Variants in NIBAN1 observed in about 807,000 individuals in gnomAD.
The protein encoded by NIBAN1 is niban apoptosis regulator 1.
A neutral mutation model predicts 75.1 loss-of-function variants in NIBAN1; 81 were observed. That is an observed-to-expected ratio of 1.08 (90% CI 0.90 to 1.30). NIBAN1 has a LOEUF of 1.30. Ranked by LOEUF, NIBAN1 falls within the 50% of genes most tolerant of loss-of-function variation. The pLI is 0.00. For synonymous variants in NIBAN1, 436 were observed against 424.8 expected (o/e 1.03, Z -0.32); for missense variants, 1,133 against 1,128.1 (o/e 1.00, Z -0.06).
At chr1:184,938,067 T>C (rs1425714646) in intron 1 of NIBAN1, among the ~76,000 whole-genome samples, 1 of 152,060 alleles carries the variant, frequency 6.6e-6, no homozygotes, top group East Asian at 1.9e-4. Flanking sequence ...GCTGGAGAGG[T>C]GGACAGAATC....
intron 1 of NIBAN1, among the ~76,000 whole-genome samples, chr1:184,967,221 G>C (rs1028511): frequency 0.9 from 126,843 of 141,016 alleles, 56,512 homozygotes; most frequent in South Asian, 0.95. Context: ...CTCTCTCTCT[G>C]TGTGTGTGTG....
chr1:184,876,419 C>T (rs960432716), intron 5 of NIBAN1, among the ~76,000 whole-genome samples: 4 of 151,902 alleles, frequency 2.6e-5, no homozygotes, highest in African/African-American at 4.8e-5. Flanking sequence ...AAACTGGGGC[C>T]GGGCATGGTG....
intron 1 of NIBAN1, among the ~76,000 whole-genome samples, chr1:184,956,399 G>A (rs559964015): frequency 1.3e-5 from 2 of 152,280 alleles, no homozygotes; most frequent in Non-Finnish European, 2.9e-5. Flanking sequence ...TGGAGGAAAA[G>A]AACACCTGTG....
chr1:184,922,395 A>C (rs993234765), intron 1 of NIBAN1, among the ~76,000 whole-genome samples: 1 of 151,802 alleles, frequency 6.6e-6, no homozygotes, highest in Admixed American at 6.6e-5. Flanking sequence ...CACCTCACCC[A>C]CTACTCTTTC....
At chr1:184,825,363 A>G (rs1472118099) in intron 6 of NIBAN1, among the ~76,000 whole-genome samples, 1 of 151,950 alleles carries the variant, frequency 6.6e-6, no homozygotes, top group South Asian at 2.1e-4. Flanking sequence ...TTGTCTGCTC[A>G]TGGCCTGTCT....
intron 5 of NIBAN1, among the ~76,000 whole-genome samples, chr1:184,857,355 G>A (rs1655706354): frequency 6.6e-6 from 1 of 152,160 alleles, no homozygotes; most frequent in African/African-American, 2.4e-5. Context: ...TAGTACAGAT[G>A]GGAAAAGCAC....
chr1:184,867,322 T>C (rs1655985459), intron 5 of NIBAN1, among the ~76,000 whole-genome samples: 5 of 152,186 alleles, frequency 3.3e-5, no homozygotes. Context: ...TATCTCCCTC[T>C]GTGCATGTTA....
In NIBAN1 at chr1:184,890,096, T is replaced by C. The variant is rs1183425324; in HGVS notation, c.433+12A>G. ...GTCATTTTGCCTTGGAAAAGAATGA[T>C]CAGCAACTCACCAAGAGGGTCTGGG... On this transcript the variant is annotated intron_variant, in intron 4 of 13. Coordinates refer to ENST00000367511, the MANE Select transcript of NIBAN1 (RefSeq NM_052966.4). 2 of 1,592,866 alleles carry C rather than the reference T, an allele frequency of 1.3e-6. No homozygotes were observed. The highest frequency in any genetic ancestry group is 2.7e-5 in the African/African-American group (2 of 74,466).
intron 1 of NIBAN1, among the ~76,000 whole-genome samples, chr1:184,959,826 A>G (rs1658583097): frequency 6.6e-6 from 1 of 152,228 alleles, no homozygotes; most frequent in South Asian, 2.1e-4. Context: ...TGATGGAAGC[A>G]TGAACTATTT....
At chr1:184,973,270 T>C (rs901891489) in intron 1 of NIBAN1, among the ~76,000 whole-genome samples, 7 of 152,310 alleles carry the variant, frequency 4.6e-5, no homozygotes, top group Middle Eastern at 3.4e-3. Flanking sequence ...CCTGATTTGA[T>C]ATCTTTTTAA....
intron 5 of NIBAN1, among the ~76,000 whole-genome samples, chr1:184,834,147 C>T (rs1179444356): frequency 6.6e-6 from 1 of 152,050 alleles, no homozygotes; most frequent in African/African-American, 2.4e-5. Flanking sequence ...CTCAGAATGA[C>T]AGTTTCCAGC....
chr1:184,878,277 A>G (rs234651), intron 5 of NIBAN1, among the ~76,000 whole-genome samples: 14,433 of 152,174 alleles, frequency 0.095, 962 homozygotes, highest in African/African-American at 0.19. Context: ...CAACTCTTAA[A>G]TTGCTTTGAG....
chr1:184,805,627 G>T (rs1019806924), intron 11 of NIBAN1, among the ~76,000 whole-genome samples: 7 of 152,164 alleles, frequency 4.6e-5, no homozygotes, highest in African/African-American at 1.7e-4. Context: ...GCTGTGCCTT[G>T]CCTACTTTTA....
chr1:184,874,148 A>C (rs75645932), intron 5 of NIBAN1, among the ~76,000 whole-genome samples: 6,203 of 152,098 alleles, frequency 0.041, 190 homozygotes, highest in Non-Finnish European at 0.061. Flanking sequence ...TAAAAATAGA[A>C]TATACGAAAT....
chr1:184,886,287 C>A (rs1224226107), intron 4 of NIBAN1, among the ~76,000 whole-genome samples: 1 of 152,038 alleles, frequency 6.6e-6, no homozygotes, highest in Non-Finnish European at 1.5e-5. Context: ...GGTAGGGAGG[C>A]GGGGGAGGGG....
At position 184,877,451 on chromosome 1, in the gene NIBAN1, C is replaced by T. The variant is rs184798342; in HGVS notation, c.601+7182G>A. Among the ~76,000 whole-genome samples the T allele has an allele frequency of 5.0e-3, 756 of 152,210 alleles. 2 individuals are homozygous for T. Among genetic ancestry groups the T allele is most frequent in the Non-Finnish European group, 7.0e-3 (475 of 68,004 alleles). On this transcript the variant is annotated intron_variant, in intron 5 of 13. Transcript: ENST00000367511. ...TTATACTCTATACATACTTTACAAA[C>T]ATTCTTCTAAATCTACTCAATATTT...
At chr1:184,936,051 C>A (rs903130353) in intron 1 of NIBAN1, among the ~76,000 whole-genome samples, 1 of 151,010 alleles carries the variant, frequency 6.6e-6, no homozygotes, top group Non-Finnish European at 1.5e-5. Context: ...GGAAACTAAG[C>A]GTCTATTGAA....
intron 1 of NIBAN1, among the ~76,000 whole-genome samples, chr1:184,932,695 G>A (rs1300439840): frequency 1.3e-5 from 2 of 152,080 alleles, no homozygotes; most frequent in Non-Finnish European, 2.9e-5. Context: ...CTTTTCTTTT[G>A]TATATTTGAC....
chr1:184,914,570 GT>G (rs1419726359), intron 1 of NIBAN1, among the ~76,000 whole-genome samples: 1 of 152,026 alleles, frequency 6.6e-6, no homozygotes, highest in Non-Finnish European at 1.5e-5. Flanking sequence ...TTTCTCTTTA[GT>G]TTTTAAGATA....
Sources: gnomAD v4.1 joint callset for allele counts (sites outside exome capture counted in the v4.1 genomes callset) on GRCh38, gnomAD v4.1.1 for gene constraint, MANE v1.5 for transcripts, NCBI Gene and HGNC (gene_info 2026-07-23, HGNC 2026-07-21) for gene names.